THEMIS: variants seen among roughly 807,000 people sequenced by gnomAD.
The protein encoded by THEMIS is protein THEMIS.
THEMIS carries 37 observed loss-of-function variants against 52.6 expected under a neutral mutation model. The observed-to-expected ratio is 0.70, with a 90% CI of 0.54 to 0.93. The LOEUF (loss-of-function observed/expected upper bound fraction) is 0.93, where lower values mean the gene tolerates loss of function less well. THEMIS is among the 40% of genes least tolerant of loss of function. The pLI is 0.00. For synonymous variants in THEMIS, 292 were observed against 272.7 expected (o/e 1.07, Z -0.70); for missense variants, 808 against 763.1 (o/e 1.06, Z -0.69).
intron 4 of THEMIS, among the ~76,000 whole-genome samples, chr6:127,730,311 G>GAGA: frequency 8.3e-6 from 1 of 119,880 alleles, no homozygotes; most frequent in African/African-American, 3.4e-5. Context: ...GAAAAGAAAA[G>GAGA]AAAAGAGAAA....
intron 1 of THEMIS, among the ~76,000 whole-genome samples, chr6:127,883,421 T>C (rs918255818): frequency 6.6e-6 from 1 of 151,412 alleles, no homozygotes; most frequent in African/African-American, 2.4e-5. Context: ...CTAATTTAAA[T>C]AAAAGTAAAT....
intron 4 of THEMIS, among the ~76,000 whole-genome samples, chr6:127,727,922 G>C (rs953125086): frequency 2.6e-5 from 4 of 152,002 alleles, no homozygotes; most frequent in Admixed American, 2.0e-4. Context: ...TAATTCACAA[G>C]CTCTATTTCT....
intron 4 of THEMIS, among the ~76,000 whole-genome samples, chr6:127,758,757 T>C (rs764096516): frequency 3.9e-5 from 6 of 152,040 alleles, no homozygotes; most frequent in Admixed American, 6.6e-5. Flanking sequence ...CTACAGGTGA[T>C]ACAGGTAATC....
chr6:127,715,552 G>T (rs971621370), intron 5 of THEMIS, among the ~76,000 whole-genome samples: 3 of 151,850 alleles, frequency 2.0e-5, no homozygotes, highest in Admixed American at 6.6e-5. Flanking sequence ...GGTCCTGATA[G>T]GAAACTACTT....
chr6:127,803,060 C>T (rs1013546761), intron 4 of THEMIS, among the ~76,000 whole-genome samples: 6 of 152,296 alleles, frequency 3.9e-5, no homozygotes, highest in Admixed American at 2.0e-4. Flanking sequence ...CCTACACCTA[C>T]CATATGCTAA....
chr6:127,797,148 CT>C (rs1383543226), intron 4 of THEMIS, among the ~76,000 whole-genome samples: 1 of 152,202 alleles, frequency 6.6e-6, no homozygotes, highest in Non-Finnish European at 1.5e-5. Context: ...ACTAACCTTT[CT>C]TTTTTGACTT....
intron 4 of THEMIS, among the ~76,000 whole-genome samples, chr6:127,749,531 G>A (rs1478093848): frequency 6.6e-6 from 1 of 151,912 alleles, no homozygotes; most frequent in Admixed American, 6.6e-5. Context: ...TTTGCTGTGT[G>A]TGCTGTATGC....
intron 4 of THEMIS, among the ~76,000 whole-genome samples, chr6:127,782,009 T>C (rs761153292): frequency 3.9e-5 from 6 of 152,144 alleles, no homozygotes; most frequent in South Asian, 4.1e-4. Flanking sequence ...AAGCAATCTA[T>C]AGAGGCAGTC....
rs141356572 is a variant in THEMIS, at chr6:127,711,437, T to C, written c.1895-1421A>G. ...TCTCCACATACCTTGGTAATTTCCC[T>C]AATCATCTGAATTTACTTTCCTCTG... On this transcript the variant is annotated intron_variant, in intron 5 of 5. Coordinates refer to ENST00000368248, the MANE Select transcript of THEMIS (RefSeq NM_001010923.3). Among the ~76,000 whole-genome samples, 26 of 152,046 alleles carry C rather than the reference T, an allele frequency of 1.7e-4. 1 individual carries two copies. In the East Asian group the frequency reaches 4.5e-3, roughly 26 times the overall value.
intron 4 of THEMIS, among the ~76,000 whole-genome samples, chr6:127,803,856 A>G (rs542681780): frequency 6.6e-4 from 100 of 152,300 alleles, no homozygotes; most frequent in African/African-American, 2.2e-3. Flanking sequence ...TCTCTTCCAG[A>G]GGTATAGTTG....
chr6:127,820,678 C>T lies in THEMIS; in HGVS notation c.710-6747G>A, dbSNP rs117785566. Among the ~76,000 whole-genome samples the T allele has an allele frequency of 3.6e-3, 543 of 152,126 alleles. 5 individuals are homozygous for T. Among genetic ancestry groups the T allele is most frequent in the Middle Eastern group, 0.02 (6 of 294 alleles). ...CTACCTTTCTTTCTATACTAAGTGC[C>T]ATGAAGCCCATAGACATCCAATTTA... On this transcript the variant is annotated intron_variant, in intron 3 of 5. Coordinates refer to ENST00000368248, the MANE Select transcript of THEMIS (RefSeq NM_001010923.3).
chr6:127,792,193 T>C (rs1248215271), intron 4 of THEMIS, among the ~76,000 whole-genome samples: 1 of 152,188 alleles, frequency 6.6e-6, no homozygotes, highest in East Asian at 1.9e-4. Flanking sequence ...CTGCCATCAG[T>C]ATTGCTCTGT....
chr6:127,697,983 C>T, the THEMIS span, among the ~76,000 whole-genome samples: 3 of 152,122 alleles, frequency 2.0e-5, no homozygotes, highest in African/African-American at 7.2e-5. Context: ...TGGTAGAATG[C>T]TATTATCTGA....
At chr6:127,785,180 C>T (rs1776895696) in intron 4 of THEMIS, among the ~76,000 whole-genome samples, 3 of 151,410 alleles carry the variant, frequency 2.0e-5, no homozygotes. Flanking sequence ...TATTGTCTAC[C>T]TACCTAATCT....
intron 1 of THEMIS, among the ~76,000 whole-genome samples, chr6:127,881,038 G>T (rs948239617): frequency 3.3e-5 from 5 of 152,018 alleles, no homozygotes; most frequent in Non-Finnish European, 5.9e-5. Context: ...TCAAGAACTT[G>T]ACTATTGCAT....
chr6:127,916,386 T>C (rs1266809684), intron 1 of THEMIS, among the ~76,000 whole-genome samples: 1 of 152,144 alleles, frequency 6.6e-6, no homozygotes, highest in Admixed American at 6.5e-5. Context: ...AATTTTTGTT[T>C]GTGGTTCCTC....
At chr6:127,717,217 A>G (rs970334288) in intron 5 of THEMIS, among the ~76,000 whole-genome samples, 9 of 151,700 alleles carry the variant, frequency 5.9e-5, no homozygotes, top group Non-Finnish European at 1.2e-4. Context: ...AAAAAAGCAC[A>G]TGGTATAGCA....
intron 4 of THEMIS, among the ~76,000 whole-genome samples, chr6:127,745,112 T>C (rs1446427535): frequency 2.0e-5 from 3 of 151,970 alleles, no homozygotes; most frequent in Non-Finnish European, 4.4e-5. Flanking sequence ...CAATACTCTC[T>C]TTAATGCCAC....
chr6:127,873,544 GC>G (rs1176441978), intron 1 of THEMIS, among the ~76,000 whole-genome samples: 1 of 152,132 alleles, frequency 6.6e-6, no homozygotes, highest in Non-Finnish European at 1.5e-5. Flanking sequence ...TCAAAAGCAA[GC>G]TTTTTAAAGA....
Sources: allele counts gnomAD v4.1 joint callset (sites outside exome capture counted in the v4.1 genomes callset), GRCh38; gene constraint gnomAD v4.1.1; transcripts MANE v1.5; gene names NCBI Gene and HGNC (gene_info 2026-07-23, HGNC 2026-07-21).